Variants in MCPH1 observed in about 807,000 individuals in gnomAD.
MCPH1 encodes microcephalin 1, also known as microcephalin.
Under a neutral mutation model 84.5 loss-of-function variants are expected in MCPH1, and 104 were observed. The ratio of observed to expected loss-of-function variants is 1.23; its 90% CI spans 1.05 to 1.45. MCPH1 has a LOEUF of 1.45. Among genes scored for constraint, MCPH1 ranks in the 40% most tolerant of loss-of-function variants. The pLI is 0.00. For missense variants in MCPH1, 1,498 were observed against 1,005.7 expected (o/e 1.49, Z -6.62); for synonymous variants, 514 against 366.8 (o/e 1.40, Z -4.58).
chr8:6,484,622 C>G (rs1457345478), intron 11 of MCPH1, among the ~76,000 whole-genome samples: 1 of 152,214 alleles, frequency 6.6e-6, no homozygotes, highest in Non-Finnish European at 1.5e-5. Flanking sequence ...AACAGCACAG[C>G]TGTCCCTCCA....
At chr8:6,624,242 C>T (rs1273568697) in intron 13 of MCPH1, among the ~76,000 whole-genome samples, 2 of 152,256 alleles carry the variant, frequency 1.3e-5, no homozygotes, top group Admixed American at 1.3e-4. Flanking sequence ...AGGCCCCAGC[C>T]TCTTTTTCTT....
chr8:6,428,962 A>G (rs927211756), intron 3 of MCPH1, among the ~76,000 whole-genome samples: 4 of 152,130 alleles, frequency 2.6e-5, no homozygotes, highest in Non-Finnish European at 5.9e-5. Context: ...AGTTTCAGGT[A>G]TTATCTAGTG....
At position 6,645,062 on chromosome 8, in the gene MCPH1, T is replaced by C. The variant is rs545275601; in HGVS notation, c.*2013T>C. 1 of 152,292 alleles carries C rather than the reference T, an allele frequency of 6.6e-6. No homozygotes were observed. Among genetic ancestry groups the C allele is most frequent in the Non-Finnish European group, 1.5e-5 (1 of 68,060 alleles). 9.4% of individuals were successfully genotyped at this position (152,292 alleles called of 1,614,324 possible). ...AACCACAAGCATCCTGGCTTGGTAGTGCTCCCACAGCACCAAAAATCCCTG... is the reference window on the plus strand; with the variant it reads ...AACCACAAGCATCCTGGCTTGGTAGCGCTCCCACAGCACCAAAAATCCCTG... On this transcript the variant is annotated 3_prime_UTR_variant, in exon 14 of 14. Coordinates refer to ENST00000344683, the MANE Select transcript of MCPH1 (RefSeq NM_024596.5).
intron 12 of MCPH1, chr8:6,514,531 T>G (rs549618217): frequency 1.7e-5 from 12 of 703,800 alleles, no homozygotes; most frequent in Non-Finnish European, 2.7e-5. Context: ...TTGGCCATTC[T>G]TTAAAGGGGA....
intron 3 of MCPH1, among the ~76,000 whole-genome samples, chr8:6,422,902 A>G (rs1800442089): frequency 6.6e-6 from 1 of 151,662 alleles, no homozygotes; most frequent in African/African-American, 2.4e-5. Flanking sequence ...GTTAGCCAGG[A>G]TGGTCTCGAT....
chr8:6,587,440 G>A (rs1398833203), intron 12 of MCPH1, among the ~76,000 whole-genome samples: 1 of 152,110 alleles, frequency 6.6e-6, no homozygotes, highest in East Asian at 1.9e-4. Flanking sequence ...TGTGTGGTTG[G>A]ATGGCTTTTG....
intron 12 of MCPH1, among the ~76,000 whole-genome samples, chr8:6,528,043 G>A (rs560897870): frequency 1.3e-5 from 2 of 150,524 alleles, no homozygotes; most frequent in South Asian, 2.1e-4. Flanking sequence ...TTACAGGTGC[G>A]TACCACCATA....
At chr8:6,503,541 T>A (rs1171074174) in intron 12 of MCPH1, among the ~76,000 whole-genome samples, 1 of 152,192 alleles carries the variant, frequency 6.6e-6, no homozygotes, top group African/African-American at 2.4e-5. Flanking sequence ...TCCTATTTGG[T>A]AAGCCCACAG....
At chr8:6,537,201 C>T (rs912517251) in intron 12 of MCPH1, among the ~76,000 whole-genome samples, 3 of 152,092 alleles carry the variant, frequency 2.0e-5, no homozygotes, top group African/African-American at 4.8e-5. Flanking sequence ...TGTTTGCCAT[C>T]GCCTTCATAT....
intron 12 of MCPH1, 60 bp downstream of exon 12, chr8:6,499,989 T>G: frequency 7.0e-7 from 1 of 1,430,596 alleles, no homozygotes; most frequent in South Asian, 1.1e-5. Context: ...GAAATTATTA[T>G]AAACATAAGG....
chr8:6,576,460 CTTCCCT>C (rs933650267), intron 12 of MCPH1, among the ~76,000 whole-genome samples: 8 of 151,798 alleles, frequency 5.3e-5, no homozygotes, highest in Admixed American at 5.2e-4. Flanking sequence ...TATTGGAATC[CTTCCCT>C]TTCCCTTTCC....
rs1199324100 is a variant in MCPH1 at position 6,639,292 on chromosome 8, C to T, written c.2453-3702C>T. Among the ~76,000 whole-genome samples, 3 of 152,316 alleles carry T rather than the reference C, an allele frequency of 2.0e-5. No individual in the cohort carries two copies. In the East Asian group the frequency reaches 5.8e-4, roughly 29 times the overall value. On this transcript the variant is annotated intron_variant, in intron 13 of 13. Coordinates refer to ENST00000344683, the MANE Select transcript of MCPH1 (RefSeq NM_024596.5). ...AGACAAGTACACAGGGTCCTCCAGT[C>T]TTACAACCCTTCCTTAACTACAATA...
At chr8:6,442,850 G>T (rs1040638072) in intron 7 of MCPH1, among the ~76,000 whole-genome samples, 1 of 152,166 alleles carries the variant, frequency 6.6e-6, no homozygotes, top group Non-Finnish European at 1.5e-5. Context: ...ATGACAAAGC[G>T]CAAGATGGCA....
intron 12 of MCPH1, chr8:6,527,498 T>C (rs967498313): frequency 1.5e-4 from 232 of 1,582,304 alleles, no homozygotes; most frequent in Non-Finnish European, 1.9e-4. Flanking sequence ...TGAGACCGAC[T>C]TTCATATCTG....
intron 12 of MCPH1, among the ~76,000 whole-genome samples, chr8:6,592,802 G>C (rs1001746823): frequency 4.8e-5 from 7 of 146,924 alleles, no homozygotes; most frequent in Non-Finnish European, 7.4e-5. Context: ...CCACAAGCAC[G>C]TGCCACCACA....
chr8:6,543,071 G>A (rs989976091), intron 12 of MCPH1, among the ~76,000 whole-genome samples: 1 of 152,100 alleles, frequency 6.6e-6, no homozygotes, highest in Non-Finnish European at 1.5e-5. Flanking sequence ...GCCCTGCCGG[G>A]TCCCACTGCC....
chr8:6,621,661 G>A lies in MCPH1; in HGVS notation c.2422G>A (p.Val808Ile), dbSNP rs528069901. 1.7e-5 allele frequency: 27 copies of A among 1,614,248 alleles called. No individual in the cohort carries two copies. The South Asian group carries it at 2.9e-4, about 17-fold the overall frequency. ...CTACAGCGGAAAGAAGAAAGCCACA[G>A]TCAAGTATCTGTCTGAGAAATGGGT... ...GPYSGKKKAT[V>I]KYLSEKWVLD... Residue 808 changes from valine (V) to isoleucine (I), a missense_variant, in exon 13 of 14, where the codon GTC becomes ATC. Val to Ile is a conservative substitution (Grantham distance 29). Coordinates refer to ENST00000344683, the MANE Select transcript of MCPH1 (RefSeq NM_024596.5).
At position 6,598,743 on chromosome 8, in the gene MCPH1, C is replaced by A. The variant is rs151184287; in HGVS notation, c.2215-22711C>A. ...GTGAGGAAGCGCAGTGCGGCTCCCC[C>A]CTGCGTGGTGGGACTAAGAAGAGCC... is the stretch of plus-strand genomic sequence containing the variant. On this transcript the variant is annotated intron_variant, in intron 12 of 13. Coordinates refer to ENST00000344683, the MANE Select transcript of MCPH1 (RefSeq NM_024596.5). 3.7e-3 allele frequency among the ~76,000 whole-genome samples: 565 copies of A among 152,362 alleles called. 5 individuals are homozygous for A. The highest frequency in any genetic ancestry group is 0.012 in the African/African-American group (503 of 41,594).
chr8:6,519,894 T>C, intron 12 of MCPH1: 1 of 1,614,074 alleles, frequency 6.2e-7, no homozygotes. Context: ...TAGGGAATGT[T>C]AACGTGTAGA....
Sources: allele counts gnomAD v4.1 joint callset (sites outside exome capture counted in the v4.1 genomes callset), GRCh38; gene constraint gnomAD v4.1.1; transcripts MANE v1.5; gene names NCBI Gene and HGNC (gene_info 2026-07-23, HGNC 2026-07-21).